The following TRAF3IP1 variants were observed in gnomAD, a reference collection of about 807,000 sequenced individuals.
TRAF3IP1 encodes TRAF3-interacting protein 1.
Under a neutral mutation model 89.9 loss-of-function variants are expected in TRAF3IP1, and 53 were observed. That is an observed-to-expected ratio of 0.59 (90% confidence interval 0.47 to 0.74). The LOEUF (loss-of-function observed/expected upper bound fraction) is 0.74. TRAF3IP1 is among the 30% of genes least tolerant of loss of function. The probability of loss-of-function intolerance (pLI) is 0.00; values close to 1 mark genes in which losing one functional copy is unlikely to be tolerated. For missense variants in TRAF3IP1, 806 were observed against 866.1 expected, an observed-to-expected ratio of 0.93 and a Z score of 0.87; for synonymous variants, 311 against 322.1, an observed-to-expected ratio of 0.97 and a Z score of 0.37.
intron 15 of TRAF3IP1, among the ~76,000 whole-genome samples, chr2:238,393,751 G>A (rs1020573460): frequency 1.3e-5 from 2 of 152,210 alleles, no homozygotes; most frequent in African/African-American, 4.8e-5. Context: ...ATGGTGCAAA[G>A]CTCTCTCTGC....
rs899670197 is a variant in TRAF3IP1, at chr2:238,400,650, T to A, written c.*1731T>A. Reference sequence around the variant, plus strand: ...GGGACATGAGTTAAGTAGCCCTTCATGTATTTATAATCTCTTTTCTACTGA... The same window carrying A: ...GGGACATGAGTTAAGTAGCCCTTCAAGTATTTATAATCTCTTTTCTACTGA... On this transcript the variant is annotated 3_prime_UTR_variant, in exon 17 of 17. Coordinates refer to ENST00000373327, the MANE Select transcript of TRAF3IP1 (RefSeq NM_015650.4). The A allele has an allele frequency of 6.6e-6, 1 of 152,206 alleles. No homozygotes were observed. The highest frequency in any genetic ancestry group is 2.4e-5 in the African/African-American group (1 of 41,458). 9.4% of individuals were successfully genotyped at this position (152,206 alleles called of 1,614,324 possible).
chr2:238,365,100 A>G (rs1032513565), intron 15 of TRAF3IP1, among the ~76,000 whole-genome samples: 8 of 152,382 alleles, frequency 5.2e-5, no homozygotes, highest in African/African-American at 1.7e-4. Flanking sequence ...GTATTTAGCT[A>G]AATTGTTGAT....
At chr2:238,325,441 G>T in intron 2 of TRAF3IP1, 67 bp downstream of exon 2, 1 of 1,519,570 alleles carries the variant, frequency 6.6e-7, no homozygotes, top group South Asian at 1.1e-5. Context: ...TGTAGGCCTG[G>T]TAGTGTGGCT....
At chr2:238,364,599 C>CTTT (rs1418058021) in intron 15 of TRAF3IP1, among the ~76,000 whole-genome samples, 1 of 152,044 alleles carries the variant, frequency 6.6e-6, no homozygotes, top group Non-Finnish European at 1.5e-5. Context: ...TTTCAGTCTC[C>CTTT]TTTTACATGA....
intron 8 of TRAF3IP1, among the ~76,000 whole-genome samples, chr2:238,343,952 C>T (rs1174617008): frequency 6.7e-6 from 1 of 149,062 alleles, no homozygotes; most frequent in African/African-American, 2.6e-5. Flanking sequence ...AGCCACTGTG[C>T]CCAGCCTGTT....
At chr2:238,332,337 G>A (rs188644710) in intron 5 of TRAF3IP1, among the ~76,000 whole-genome samples, 4 of 152,320 alleles carry the variant, frequency 2.6e-5, no homozygotes, top group Admixed American at 2.6e-4. Flanking sequence ...TGTTATGAGA[G>A]TGCTTTCCTC....
chr2:238,322,906 A>T, intron 1 of TRAF3IP1, among the ~76,000 whole-genome samples: 1 of 152,010 alleles, frequency 6.6e-6, no homozygotes, highest in Non-Finnish European at 1.5e-5. Context: ...ATTGGAAAGG[A>T]TTTTCAGATA....
chr2:238,325,526 C>T, intron 2 of TRAF3IP1, 152 bp downstream of exon 2: 1 of 787,266 alleles, frequency 1.3e-6, no homozygotes, highest in Non-Finnish European at 2.0e-6. Flanking sequence ...TACCCTTTCT[C>T]ATTTCATTTT....
At chr2:238,383,550 A>G (rs576407059) in intron 15 of TRAF3IP1, among the ~76,000 whole-genome samples, 1 of 152,264 alleles carries the variant, frequency 6.6e-6, no homozygotes, top group East Asian at 1.9e-4. Flanking sequence ...GGCTTTTGCT[A>G]TAATTAGAAA....
At chr2:238,382,588 A>C (rs954833639) in intron 15 of TRAF3IP1, among the ~76,000 whole-genome samples, 3 of 151,948 alleles carry the variant, frequency 2.0e-5, no homozygotes, top group Non-Finnish European at 4.4e-5. Context: ...GTCTGCCTCC[A>C]GGCAGGCCTT....
At chr2:238,343,764 A>G (rs1220197003) in intron 8 of TRAF3IP1, among the ~76,000 whole-genome samples, 1 of 148,782 alleles carries the variant, frequency 6.7e-6, no homozygotes, top group Non-Finnish European at 1.5e-5. Context: ...TGATCCTACC[A>G]TCTCAGCCTC....
intron 15 of TRAF3IP1, among the ~76,000 whole-genome samples, chr2:238,392,079 A>C (rs991889105): frequency 2.0e-5 from 3 of 152,250 alleles, no homozygotes; most frequent in African/African-American, 7.2e-5. Context: ...GTTATAAGAA[A>C]TAATAGACGC....
At chr2:238,369,806 G>C (rs945179323) in intron 15 of TRAF3IP1, among the ~76,000 whole-genome samples, 6 of 152,196 alleles carry the variant, frequency 3.9e-5, no homozygotes, top group Non-Finnish European at 5.9e-5. Flanking sequence ...AGTACCCTGT[G>C]CTTCACTAAG....
intron 15 of TRAF3IP1, among the ~76,000 whole-genome samples, chr2:238,367,611 G>A (rs925911962): frequency 7.9e-5 from 12 of 152,164 alleles, no homozygotes; most frequent in Non-Finnish European, 1.5e-4. Context: ...AGAGACTGTG[G>A]GACACGGGAG....
intron 3 of TRAF3IP1, 60 bp downstream of exon 3, chr2:238,326,030 G>A: frequency 1.3e-6 from 2 of 1,547,324 alleles, no homozygotes; most frequent in Non-Finnish European, 1.8e-6. Flanking sequence ...AGTAGTCGGG[G>A]GTGAGGGACT....
chr2:238,355,273 C>T (rs763065672), intron 14 of TRAF3IP1, among the ~76,000 whole-genome samples: 1 of 152,146 alleles, frequency 6.6e-6, no homozygotes, highest in Non-Finnish European at 1.5e-5. Context: ...CCTGTCTCCT[C>T]TACCCTCTAC....
chr2:238,388,540 GCTTTT>G (rs1330094904), intron 15 of TRAF3IP1, among the ~76,000 whole-genome samples: 6 of 150,448 alleles, frequency 4.0e-5, no homozygotes, highest in African/African-American at 1.5e-4. Context: ...GTCATTCTGT[GCTTTT>G]CTTTTGTAAA....
chr2:238,383,419 G>C (rs1364647312), intron 15 of TRAF3IP1, among the ~76,000 whole-genome samples: 1 of 152,156 alleles, frequency 6.6e-6, no homozygotes, highest in Non-Finnish European at 1.5e-5. Flanking sequence ...ACCTATTAAT[G>C]AACAATCTGC....
At chr2:238,372,194 A>G (rs563358775) in intron 15 of TRAF3IP1, among the ~76,000 whole-genome samples, 2 of 152,224 alleles carry the variant, frequency 1.3e-5, no homozygotes, top group African/African-American at 2.4e-5. Flanking sequence ...GGTTTGTTAC[A>G]TAGGTATACA....
Sources: gnomAD v4.1 joint callset for allele counts (sites outside exome capture counted in the v4.1 genomes callset) on GRCh38, gnomAD v4.1.1 for gene constraint, MANE v1.5 for transcripts, NCBI Gene and HGNC (gene_info 2026-07-23, HGNC 2026-07-21) for gene names.